The following RNF169 variants were observed in gnomAD, a reference collection of about 807,000 sequenced individuals.
RNF169 encodes ring finger protein 169.
A neutral mutation model predicts 53.9 loss-of-function variants in RNF169; 24 were observed. The ratio of observed to expected loss-of-function variants is 0.45; its 90% CI spans 0.32 to 0.63. The LOEUF (loss-of-function observed/expected upper bound fraction) is 0.63, where lower values mean the gene tolerates loss of function less well. Among genes scored for constraint, RNF169 ranks in the 20% least tolerant of loss-of-function variants. RNF169 has a pLI of 0.04. For missense variants in RNF169, 883 were observed against 906.2 expected (o/e 0.97, Z 0.33); for synonymous variants, 396 against 363.5 (o/e 1.09, Z -1.02).
At position 74,816,614 on chromosome 11, in the gene RNF169, T is replaced by C. The variant is rs896867622; in HGVS notation, c.724-982T>C. Among the ~76,000 whole-genome samples, 68 of 152,320 alleles carry C rather than the reference T, an allele frequency of 4.5e-4. 1 individual carries two copies. The highest frequency in any genetic ancestry group is 1.6e-3 in the African/African-American group (66 of 41,568). On this transcript the variant is annotated intron_variant, in intron 3 of 5. Transcript: ENST00000299563. ...AGCCTTTGCAGAAAAAGTGATATTT[T>C]AGATGACTCTGAAAGGCCAATTAGT...
At chr11:74,767,158 ATC>A (rs112769509) in intron 1 of RNF169, among the ~76,000 whole-genome samples, 2 of 152,210 alleles carry the variant, frequency 1.3e-5, no homozygotes, top group African/African-American at 4.8e-5. Context: ...GATTTTTAAA[ATC>A]TCAGGTGAAA....
In RNF169 at chr11:74,796,421, T is replaced by C. The variant is rs115970331; in HGVS notation, c.576+6722T>C. ...GGAAGATATTACTTCAGTATTGATATCTTTTAATGTTTTCAGTTTATATAA... is the reference window on the plus strand; with the variant it reads ...GGAAGATATTACTTCAGTATTGATACCTTTTAATGTTTTCAGTTTATATAA... On this transcript the variant is annotated intron_variant, in intron 2 of 5. Transcript: ENST00000299563. Among the ~76,000 whole-genome samples the C allele has an allele frequency of 8.7e-3, 1,329 of 152,338 alleles. 30 individuals are homozygous for C. Among genetic ancestry groups the C allele is most frequent in the African/African-American group, 0.031 (1,272 of 41,572 alleles).
chr11:74,762,407 A>G (rs957255453), intron 1 of RNF169, among the ~76,000 whole-genome samples: 23 of 152,152 alleles, frequency 1.5e-4, no homozygotes, highest in South Asian at 4.1e-4. Context: ...CAGTTTTTCT[A>G]TTGTGTTTTT....
intron 4 of RNF169, among the ~76,000 whole-genome samples, chr11:74,820,381 C>G (rs184793281): frequency 6.2e-4 from 94 of 151,626 alleles, no homozygotes; most frequent in Non-Finnish European, 4.4e-5. Context: ...GATTCTTCCT[C>G]TAAAATGGAA....
Position 74,789,718 on chromosome 11 carries a change from A to T in RNF169, c.576+19A>T, listed in dbSNP as rs770000862. 9 of 1,476,486 alleles carry T rather than the reference A, an allele frequency of 6.1e-6. No homozygotes were observed. The South Asian group carries it at 9.3e-5, about 15-fold the overall frequency. The allele number at this position is 1,476,486 out of a possible 1,614,324, so 91.5% of individuals were successfully genotyped here. The stretch of plus-strand genomic sequence containing the variant: ...GAGAAAGGTATAGTATTATCATGTC[A>T]TTCATTTTCTTAAAGTAGATTGAAA... On this transcript the variant is annotated intron_variant, in intron 2 of 5. Coordinates refer to ENST00000299563, the MANE Select transcript of RNF169 (RefSeq NM_001098638.2).
chr11:74,749,401 C>A lies in RNF169; in HGVS notation c.502+19C>A. On this transcript the variant is annotated intron_variant, in intron 1 of 5. Coordinates refer to ENST00000299563, the MANE Select transcript of RNF169 (RefSeq NM_001098638.2). ...GAGCCAGGTGGAGCTTCCCCACTTC[C>A]CCTTAGGGTCTGGAGCGAGGCCGAG... 1 of 1,246,108 alleles carries A rather than the reference C, an allele frequency of 8.0e-7. No individual in the cohort carries two copies. Among genetic ancestry groups the A allele is most frequent in the Non-Finnish European group, 1.0e-6 (1 of 991,070 alleles). 77.2% of individuals were successfully genotyped at this position (1,246,108 alleles called of 1,614,324 possible). A position where few individuals can be genotyped will look rare whatever the true frequency, so the allele number is the denominator to read the frequency against.
chr11:74,752,633 A>T (rs1359629730), intron 1 of RNF169, among the ~76,000 whole-genome samples: 2 of 151,766 alleles, frequency 1.3e-5, no homozygotes, highest in East Asian at 3.9e-4. Context: ...GTTCTTCCAC[A>T]GTTTATGGAT....
At chr11:74,799,547 G>A (rs1478556019) in intron 2 of RNF169, among the ~76,000 whole-genome samples, 1 of 152,108 alleles carries the variant, frequency 6.6e-6, no homozygotes, top group African/African-American at 2.4e-5. Context: ...TTTAGGGTCA[G>A]GATCAGTAGT....
intron 4 of RNF169, among the ~76,000 whole-genome samples, chr11:74,824,875 C>T (rs2036070250): frequency 6.6e-6 from 1 of 152,108 alleles, no homozygotes; most frequent in African/African-American, 2.4e-5. Context: ...TCAGCAATTA[C>T]ATTAAATGTA....
chr11:74,803,336 C>T (rs187414123), intron 2 of RNF169, among the ~76,000 whole-genome samples: 51 of 152,254 alleles, frequency 3.3e-4, no homozygotes, highest in Admixed American at 8.5e-4. Context: ...CTGCCTGCCT[C>T]GGCCTCCCAA....
chr11:74,792,482 A>G (rs1591408671), intron 2 of RNF169, among the ~76,000 whole-genome samples: 1 of 152,222 alleles, frequency 6.6e-6, no homozygotes, highest in African/African-American at 2.4e-5. Flanking sequence ...GCTCACCACA[A>G]CCTCTGCCTC....
At chr11:74,749,886 A>T (rs181668197) in intron 1 of RNF169, among the ~76,000 whole-genome samples, 4 of 152,310 alleles carry the variant, frequency 2.6e-5, no homozygotes, top group Non-Finnish European at 5.9e-5. Flanking sequence ...TTGGGAGCAC[A>T]CTTGTGCAGT....
intron 4 of RNF169, among the ~76,000 whole-genome samples, chr11:74,828,294 G>A (rs572638624): frequency 3.9e-5 from 6 of 152,236 alleles, no homozygotes; most frequent in Non-Finnish European, 2.9e-5. Context: ...ATCTCTTCAA[G>A]GAGAACTACA....
At chr11:74,824,013 A>G (rs1047927003) in intron 4 of RNF169, among the ~76,000 whole-genome samples, 59 of 152,304 alleles carry the variant, frequency 3.9e-4, no homozygotes, top group South Asian at 2.1e-4. Context: ...AGGCATAAGA[A>G]ACAAGAAACA....
intron 3 of RNF169, among the ~76,000 whole-genome samples, chr11:74,812,280 T>TA (rs1329760492): frequency 1.3e-5 from 2 of 152,032 alleles, no homozygotes; most frequent in African/African-American, 4.8e-5. Context: ...TCTGTTTTCT[T>TA]ATATAGTTTT....
intron 1 of RNF169, among the ~76,000 whole-genome samples, chr11:74,767,995 A>G (rs2035200612): frequency 6.6e-6 from 1 of 152,098 alleles, no homozygotes; most frequent in Non-Finnish European, 1.5e-5. Context: ...TTTGCTTTTT[A>G]AGTGGAATTT....
intron 4 of RNF169, among the ~76,000 whole-genome samples, chr11:74,827,715 A>G (rs1032400117): frequency 2.6e-5 from 4 of 152,188 alleles, no homozygotes; most frequent in Non-Finnish European, 4.4e-5. Flanking sequence ...CATAAACAGA[A>G]CTAAAGACAA....
chr11:74,784,460 A>G (rs1026356952), intron 1 of RNF169, among the ~76,000 whole-genome samples: 1 of 152,208 alleles, frequency 6.6e-6, no homozygotes. Flanking sequence ...AAATCAGTAG[A>G]GGGAGAAGGT....
At chr11:74,815,805 C>G (rs1460129391) in intron 3 of RNF169, among the ~76,000 whole-genome samples, 2 of 152,078 alleles carry the variant, frequency 1.3e-5, no homozygotes, top group South Asian at 2.1e-4. Context: ...TGATAGCTGA[C>G]AGAGCTAGGA....
Sources: gnomAD v4.1 joint callset for allele counts (sites outside exome capture counted in the v4.1 genomes callset) on GRCh38, gnomAD v4.1.1 for gene constraint, MANE v1.5 for transcripts, NCBI Gene and HGNC (gene_info 2026-07-23, HGNC 2026-07-21) for gene names.